Variants in PPP1R1B observed in about 807,000 individuals in gnomAD.
The protein encoded by PPP1R1B is protein phosphatase 1 regulatory subunit 1B.
PPP1R1B carries 13 observed loss-of-function variants against 28.2 expected under a neutral mutation model. The ratio of observed to expected loss-of-function variants is 0.46; its 90% CI spans 0.30 to 0.73. The LOEUF is 0.73. Among genes scored for constraint, PPP1R1B ranks in the 30% least tolerant of loss-of-function variants. The probability of loss-of-function intolerance (pLI) is 0.07; values close to 1 mark genes in which losing one functional copy is unlikely to be tolerated. For missense variants in PPP1R1B, 236 were observed against 256.7 expected, an observed-to-expected ratio of 0.92 and a Z score of 0.55; for synonymous variants, 102 against 97.5, an observed-to-expected ratio of 1.05 and a Z score of -0.27.
rs747625780 is a variant in PPP1R1B at position 39,634,028 on chromosome 17, A to G, written c.387A>G (p.Glu129=). The stretch of plus-strand genomic sequence containing the variant: ...ATGAGGAGGAAGAGGAGGATGATGA[A>G]GAAGAGGAAGAAGAAGAGGACAGCC... The part of the protein sequence containing the change: ...EEDEEEEEDD[E]EEEEEEDSQA... The change falls in exon 5 of 7, where the codon GAA becomes GAG. Residue 129 remains glutamate (E), a synonymous_variant. Transcript: ENST00000254079. The G allele has an allele frequency of 6.2e-7, 1 of 1,613,876 alleles. No homozygotes were observed. Among genetic ancestry groups the G allele is most frequent in the Non-Finnish European group, 8.5e-7 (1 of 1,179,920 alleles).
rs1392259387 is a variant in PPP1R1B at position 39,633,885 on chromosome 17, G to A, written c.244G>A (p.Val82Met). Residue 82 changes from valine (V) to methionine (M), a missense_variant and splice_region_variant, in exon 5 of 7, where the codon GTG becomes ATG. Physicochemically the swap from Val to Met is conservative, Grantham distance 21 (BLOSUM62 1). Coordinates refer to ENST00000254079, the MANE Select transcript of PPP1R1B (RefSeq NM_032192.4). ...TTCCTCGGTCTCCTCTGTGCCAGCTGTGCAGCGCATTGCTGAGTCTCACCT... is the reference window on the plus strand; with the variant it reads ...TTCCTCGGTCTCCTCTGTGCCAGCTATGCAGCGCATTGCTGAGTCTCACCT... Reference protein sequence around the residue: ...CAYTPPSLKAVQRIAESHLQS... With the variant: ...CAYTPPSLKAMQRIAESHLQS... The A allele has an allele frequency of 4.3e-6, 7 of 1,613,568 alleles. No individual in the cohort carries two copies. The highest frequency in any genetic ancestry group is 5.9e-6 in the Non-Finnish European group (7 of 1,179,790).
chr17:39,627,497 G>C, intron 1 of PPP1R1B, 24 bp downstream of exon 1: 2 of 1,439,776 alleles, frequency 1.4e-6, no homozygotes, highest in Non-Finnish European at 1.9e-6. Context: ...GCCCCACCCC[G>C]GCAGCGTACC....
At chr17:39,630,303 A>G (rs2056868056) in intron 4 of PPP1R1B, 1 of 480,556 alleles carries the variant, frequency 2.1e-6, no homozygotes, top group African/African-American at 1.9e-5. Flanking sequence ...TGGCTGGCCT[A>G]AGACAACCAG....
intron 1 of PPP1R1B, among the ~76,000 whole-genome samples, chr17:39,627,732 G>A (rs968909760): frequency 6.7e-6 from 1 of 150,332 alleles, no homozygotes; most frequent in Non-Finnish European, 1.5e-5. Flanking sequence ...GGGGTGGGGG[G>A]ACAGGCCGAT....
rs955319472 is a variant in PPP1R1B at position 39,627,275 on chromosome 17, G to A, written c.-118G>A. The A allele has an allele frequency of 3.0e-6, 2 of 669,606 alleles. No individual in the cohort carries two copies. Among genetic ancestry groups the A allele is most frequent in the Non-Finnish European group, 4.7e-6 (2 of 428,054 alleles). The allele number at this position is 669,606 out of a possible 1,614,324, so 41.5% of individuals were successfully genotyped here. A position where few individuals can be genotyped will look rare whatever the true frequency, so the allele number is the denominator to read the frequency against. ...GGGCACGGTATTTTTATCCGTGCGC[G>A]AACAGCCCTCCTCCTCCTCTCGCCG... On this transcript the variant is annotated 5_prime_UTR_variant, in exon 1 of 7. Coordinates refer to ENST00000254079, the MANE Select transcript of PPP1R1B (RefSeq NM_032192.4).
In PPP1R1B at chr17:39,629,237, C is replaced by T. The variant is rs771390563; in HGVS notation, c.142+7C>T. On this transcript the variant is annotated splice_region_variant and intron_variant, in intron 2 of 6. Coordinates refer to ENST00000254079, the MANE Select transcript of PPP1R1B (RefSeq NM_032192.4). ...TCAGAGCACTCCTCACCAGGTAGGC[C>T]CCTCCCTGCCCACTTAGCCCTGGCC... The T allele has an allele frequency of 2.5e-6, 4 of 1,612,746 alleles. No individual in the cohort carries two copies. The African/African-American group carries it at 4.0e-5, about 16-fold the overall frequency.
At chr17:39,629,884 TTGGGTGGCCA>T in intron 3 of PPP1R1B, 78 bp from the exon 4 acceptor site, 1 of 1,310,130 alleles carries the variant, frequency 7.6e-7, no homozygotes, top group Non-Finnish European at 1.1e-6. Context: ...ATCAGTCTGC[TTGGGTGGCCA>T]TGGGTGGGAT....
chr17:39,627,524 G>C, intron 1 of PPP1R1B, 51 bp downstream of exon 1: 1 of 1,193,096 alleles, frequency 8.4e-7, no homozygotes, highest in Non-Finnish European at 1.2e-6. Context: ...ACCCCGCGGG[G>C]CTTCTTCGCC....
Position 39,633,965 on chromosome 17 carries a change from G to A in PPP1R1B, c.324G>A (p.Leu108=), listed in dbSNP as rs771262784. The part of the protein sequence containing the change: ...ENQASEEEDE[L]GELRELGYPR... ...AGGCCTCAGAGGAGGAGGATGAGCT[G>A]GGGGAGCTTCGGGAGCTGGGTTATC... is the stretch of plus-strand genomic sequence containing the variant. Residue 108 remains leucine, a synonymous_variant, in exon 5 of 7, where the codon CTG becomes CTA. Coordinates refer to ENST00000254079, the MANE Select transcript of PPP1R1B (RefSeq NM_032192.4). 1 of 1,613,962 alleles carries A rather than the reference G, an allele frequency of 6.2e-7. No homozygotes were observed. Among genetic ancestry groups the A allele is most frequent in the South Asian group, 1.1e-5 (1 of 91,080 alleles).
intron 3 of PPP1R1B, 176 bp from the exon 4 acceptor site, chr17:39,629,796 T>C (rs111451959): frequency 1.0e-5 from 8 of 785,830 alleles, no homozygotes; most frequent in Middle Eastern, 3.5e-4. Context: ...AACCAGGCCA[T>C]GGCTTATGGG....
rs1483994639 is a variant in PPP1R1B at position 39,636,222 on chromosome 17, G to A, written c.*357G>A. ...TCCCCTGGACACAGGAGACCCACAGGGCAGGACCCTAAGATCTGGGGAAAG... is the reference window on the plus strand; with the variant it reads ...TCCCCTGGACACAGGAGACCCACAGAGCAGGACCCTAAGATCTGGGGAAAG... On this transcript the variant is annotated 3_prime_UTR_variant, in exon 7 of 7. Transcript: ENST00000254079. 4.0e-6 allele frequency: 1 copy of A among 251,462 alleles called. No individual in the cohort carries two copies. Among genetic ancestry groups the A allele is most frequent in the Non-Finnish European group, 7.9e-6 (1 of 127,078 alleles). 15.6% of individuals were successfully genotyped at this position (251,462 alleles called of 1,614,324 possible).
chr17:39,628,471 C>A, intron 1 of PPP1R1B: 1 of 984,032 alleles, frequency 1.0e-6, no homozygotes, highest in African/African-American at 1.7e-5. Flanking sequence ...TCAGTTGCTG[C>A]TTGGCTCACG....
In PPP1R1B at chr17:39,635,752, G is replaced by A. The variant is rs140297838; in HGVS notation, c.565+26G>A. On this transcript the variant is annotated intron_variant, in intron 6 of 6. Transcript: ENST00000254079. ...GTAAGGCTTGGGAGTGTGAAATGGG[G>A]AGGAGGGGCTGGGATCTTGGTGGGT... The A allele has an allele frequency of 2.3e-3, 3,788 of 1,612,486 alleles. 6 individuals are homozygous for A. Among genetic ancestry groups the A allele is most frequent in the Non-Finnish European group, 2.5e-3 (2,946 of 1,178,668 alleles).
Position 39,627,351 on chromosome 17 carries a change from C to A in PPP1R1B, c.-42C>A, listed in dbSNP as rs2056844786. ...GCCCAGCACAGACCGCCGCCGGGACCCCGAGTCGCGCACCCCAGCCCCACC... is the reference window on the plus strand; with the variant it reads ...GCCCAGCACAGACCGCCGCCGGGACACCGAGTCGCGCACCCCAGCCCCACC... On this transcript the variant is annotated 5_prime_UTR_variant, in exon 1 of 7. Coordinates refer to ENST00000254079, the MANE Select transcript of PPP1R1B (RefSeq NM_032192.4). 1 of 1,437,556 alleles carries A rather than the reference C, an allele frequency of 7.0e-7. No homozygotes were observed. The highest frequency in any genetic ancestry group is 9.6e-7 in the Non-Finnish European group (1 of 1,040,482). The allele number at this position is 1,437,556 out of a possible 1,614,324, so 89.1% of individuals were successfully genotyped here. A position where few individuals can be genotyped will look rare whatever the true frequency, so the allele number is the denominator to read the frequency against.
At chr17:39,631,462 T>C (rs1242949364) in intron 4 of PPP1R1B, among the ~76,000 whole-genome samples, 2 of 152,014 alleles carry the variant, frequency 1.3e-5, no homozygotes, top group Non-Finnish European at 2.9e-5. Context: ...CTGAAGGACA[T>C]AGGAGGGCCT....
chr17:39,636,081 G>A lies in PPP1R1B; in HGVS notation c.*216G>A. Reference sequence around the variant, plus strand: ...CACTTGCTGCCTGATGCCCACCCCTGCCAGTCATTCCTCCATTCACCCAGC... The same window carrying A: ...CACTTGCTGCCTGATGCCCACCCCTACCAGTCATTCCTCCATTCACCCAGC... On this transcript the variant is annotated 3_prime_UTR_variant, in exon 7 of 7. Transcript: ENST00000254079. 1 of 580,798 alleles carries A rather than the reference G, an allele frequency of 1.7e-6. No homozygotes were observed. Among genetic ancestry groups the A allele is most frequent in the East Asian group, 2.9e-5 (1 of 34,914 alleles). The allele number at this position is 580,798 out of a possible 1,614,324, so 36.0% of individuals were successfully genotyped here.
At chr17:39,629,926 C>A in intron 3 of PPP1R1B, 46 bp from the exon 4 acceptor site, 1 of 1,563,688 alleles carries the variant, frequency 6.4e-7, no homozygotes, top group Non-Finnish European at 8.8e-7. Context: ...ATGGTGAAGG[C>A]AAGGGCCTCT....
Position 39,627,348 on chromosome 17 carries a change from G to A in PPP1R1B, c.-45G>A. 1 of 1,404,970 alleles carries A rather than the reference G, an allele frequency of 7.1e-7. No individual in the cohort carries two copies. The highest frequency in any genetic ancestry group is 9.9e-7 in the Non-Finnish European group (1 of 1,013,058). The allele number at this position is 1,404,970 out of a possible 1,614,324, so 87.0% of individuals were successfully genotyped here. On this transcript the variant is annotated 5_prime_UTR_variant, in exon 1 of 7. Coordinates refer to ENST00000254079, the MANE Select transcript of PPP1R1B (RefSeq NM_032192.4). ...GGAGCCCAGCACAGACCGCCGCCGG[G>A]ACCCCGAGTCGCGCACCCCAGCCCC...
At position 39,636,072 on chromosome 17, in the gene PPP1R1B, C is replaced by A; in HGVS notation, c.*207C>A. 3.4e-6 allele frequency: 2 copies of A among 584,884 alleles called. No individual in the cohort carries two copies. The highest frequency in any genetic ancestry group is 2.1e-5 in the South Asian group (1 of 47,602). 36.2% of individuals were successfully genotyped at this position (584,884 alleles called of 1,614,324 possible). On this transcript the variant is annotated 3_prime_UTR_variant, in exon 7 of 7. Coordinates refer to ENST00000254079, the MANE Select transcript of PPP1R1B (RefSeq NM_032192.4). ...GAACCTGGGCACTTGCTGCCTGATG[C>A]CCACCCCTGCCAGTCATTCCTCCAT...
Sources: gnomAD v4.1 joint callset for allele counts (sites outside exome capture counted in the v4.1 genomes callset) on GRCh38, gnomAD v4.1.1 for gene constraint, MANE v1.5 for transcripts, NCBI Gene and HGNC (gene_info 2026-07-23, HGNC 2026-07-21) for gene names.